Variants in ATIC observed in about 807,000 individuals in gnomAD.
The protein encoded by ATIC is bifunctional purine biosynthesis protein ATIC.
In ATIC, 64 loss-of-function variants were observed where a neutral mutation model predicts 72.5. That is an observed-to-expected ratio of 0.88 (90% confidence interval 0.72 to 1.09). The LOEUF is 1.09. Ranked by LOEUF, ATIC falls within the 50% of genes least tolerant of loss-of-function variation. The pLI, the probability that ATIC is intolerant of heterozygous loss-of-function variation, is 0.00. For missense variants in ATIC, 787 were observed against 732.4 expected (o/e 1.07, Z -0.86); for synonymous variants, 281 against 267.1 (o/e 1.05, Z -0.51).
downstream of ATIC, among the ~76,000 whole-genome samples, chr2:215,349,931 C>T (rs1229590421): frequency 3.3e-5 from 5 of 152,102 alleles, no homozygotes; most frequent in South Asian, 2.1e-4. Flanking sequence ...AGGAACCAAA[C>T]GAGCTGAGCA....
Position 215,319,737 on chromosome 2 carries a change from A to G in ATIC, c.290+6A>G. 1 of 1,600,154 alleles carries G rather than the reference A, an allele frequency of 6.2e-7. No homozygotes were observed. Among genetic ancestry groups the G allele is most frequent in the Non-Finnish European group, 8.6e-7 (1 of 1,167,382 alleles). ...CTTGATTTCAATCTTATAAGGTAAA[A>G]ACCTGAAATTAAACTTTTAACACAT... is the stretch of plus-strand genomic sequence containing the variant. On this transcript the variant is annotated splice_donor_region_variant and intron_variant, in intron 4 of 15. Coordinates refer to ENST00000236959, the MANE Select transcript of ATIC (RefSeq NM_004044.7).
At chr2:215,346,612 T>G in intron 13 of ATIC, 147 bp from the exon 14 acceptor site, 2 of 935,108 alleles carry the variant, frequency 2.1e-6, no homozygotes, top group Non-Finnish European at 3.4e-6. Flanking sequence ...TTTAATGACT[T>G]AAAAATTATT....
At chr2:215,336,182 C>T in intron 11 of ATIC, 58 bp downstream of exon 11, 2 of 1,295,892 alleles carry the variant, frequency 1.5e-6, no homozygotes, top group African/African-American at 1.5e-5. Flanking sequence ...GTCTCTTTCT[C>T]CCTTGTTTAC....
At position 215,349,759 on chromosome 2, in the gene ATIC, A is replaced by C; in HGVS notation, c.*104A>C. The stretch of plus-strand genomic sequence containing the variant: ...AAAAATAAAACAGTATCTCTTAATC[A>C]CTGGATCCATAGTTTTTGGTAGTTG... On this transcript the variant is annotated 3_prime_UTR_variant, in exon 16 of 16. Coordinates refer to ENST00000236959, the MANE Select transcript of ATIC (RefSeq NM_004044.7). The C allele has an allele frequency of 5.7e-6, 9 of 1,588,998 alleles. No homozygotes were observed. Among genetic ancestry groups the C allele is most frequent in the Non-Finnish European group, 7.8e-6 (9 of 1,158,912 alleles).
intron 4 of ATIC, among the ~76,000 whole-genome samples, chr2:215,322,754 T>C (rs983356388): frequency 1.3e-5 from 2 of 152,210 alleles, no homozygotes; most frequent in African/African-American, 4.8e-5. Context: ...TGTATGTGGC[T>C]GTCTAGTTGT....
chr2:215,350,192 C>A (rs10932611), downstream of ATIC, among the ~76,000 whole-genome samples: 152,275 of 152,316 alleles, frequency 1, 76,117 homozygotes, highest in Non-Finnish European at 1. Flanking sequence ...GGCTAGAGTC[C>A]GTGGCACCGT....
intron 9 of ATIC, among the ~76,000 whole-genome samples, chr2:215,334,382 GACATGGTTTCACCATGT>G (rs1187999349): frequency 6.6e-6 from 1 of 151,792 alleles, no homozygotes; most frequent in African/African-American, 2.4e-5. Flanking sequence ...TTTTAGTAGA[GACATGGTTTCACCATGT>G]TGGCCAGGCT....
intron 4 of ATIC, among the ~76,000 whole-genome samples, chr2:215,321,200 AGTG>A (rs2052763109): frequency 6.6e-6 from 1 of 152,216 alleles, no homozygotes. Flanking sequence ...ATTTGCCTGT[AGTG>A]GACATTTTCA....
chr2:215,353,287 AT>A (rs2053144465), downstream of ATIC, among the ~76,000 whole-genome samples: 1 of 151,872 alleles, frequency 6.6e-6, no homozygotes, highest in African/African-American at 2.4e-5. Flanking sequence ...GTACGGTTGT[AT>A]TTCCCCCCTA....
rs750485941 is a variant in ATIC, at chr2:215,349,604, C to T, written c.1728C>T (p.Asp576=). 5.0e-6 allele frequency: 8 copies of T among 1,614,198 alleles called. No individual in the cohort carries two copies. The highest frequency in any genetic ancestry group is 1.7e-5 in the Admixed American group (1 of 60,028). The change falls in exon 16 of 16, where the codon GAC becomes GAT. Residue 576 remains aspartate (D), a synonymous_variant. Transcript: ENST00000236959. ...AADKVVIEAC[D]ELGIILAHTN... is the part of the protein sequence containing the mutation. The stretch of plus-strand genomic sequence containing the variant: ...ACAAAGTTGTGATTGAGGCCTGCGA[C>T]GAACTGGGAATCATCCTCGCTCATA...
In ATIC at chr2:215,326,840, C is replaced by T. The variant is rs767367112; in HGVS notation, c.550C>T (p.Gln184Ter). 1.9e-6 allele frequency: 3 copies of T among 1,613,850 alleles called. No individual in the cohort carries two copies. The East Asian group carries it at 6.7e-5, about 36-fold the overall frequency. Residue 184 changes from glutamine (Q) to a stop codon, truncating the protein, a stop_gained, in exon 7 of 16, where the codon CAA becomes TAA. Transcript: ENST00000236959. LOFTEE classifies it high-confidence loss of function. ...LALKAFTHTA[Q>*]YDEAISDYFR... is the part of the protein sequence containing the mutation. ...TTTGTAGGCATTCACTCATACGGCA[C>T]AATATGATGAAGCAATTTCAGATTA...
intron 2 of ATIC, among the ~76,000 whole-genome samples, chr2:215,317,865 G>T (rs569592508): frequency 6.6e-6 from 1 of 152,212 alleles, no homozygotes; most frequent in Non-Finnish European, 1.5e-5. Flanking sequence ...AATGAGTATG[G>T]CTTATGATTC....
chr2:215,333,255 C>T (rs916022898), intron 8 of ATIC, 95 bp from the exon 9 acceptor site: 34 of 999,430 alleles, frequency 3.4e-5, no homozygotes, highest in African/African-American at 1.1e-4. Flanking sequence ...AAATGTGCTG[C>T]GTAGACTGGG....
At chr2:215,322,191 C>A (rs1249781104) in intron 4 of ATIC, among the ~76,000 whole-genome samples, 1 of 152,066 alleles carries the variant, frequency 6.6e-6, no homozygotes. Context: ...GCTTGAGCCA[C>A]CATGCCCGGC....
At chr2:215,312,323 G>A in intron 1 of ATIC, 162 bp downstream of exon 1, 1 of 1,466,800 alleles carries the variant, frequency 6.8e-7, no homozygotes, top group Non-Finnish European at 9.2e-7. Flanking sequence ...CGTGGGGCCC[G>A]CCTTAGAGCA....
intron 12 of ATIC, among the ~76,000 whole-genome samples, chr2:215,340,579 C>A (rs899296974): frequency 1.3e-5 from 2 of 152,144 alleles, no homozygotes; most frequent in African/African-American, 4.8e-5. Flanking sequence ...TTTTTCTCTC[C>A]AGAGTTGACT....
intron 14 of ATIC, chr2:215,348,611 G>C: frequency 2.5e-6 from 1 of 402,836 alleles, no homozygotes; most frequent in African/African-American, 2.2e-5. Flanking sequence ...ATTTCTAAAA[G>C]CATCAAAGAG....
intron 4 of ATIC, among the ~76,000 whole-genome samples, chr2:215,322,486 C>A: frequency 6.6e-6 from 1 of 151,762 alleles, no homozygotes. Flanking sequence ...CCCGCCACCA[C>A]GCCCAGCTAA....
At chr2:215,346,988 A>G in intron 14 of ATIC, 47 bp downstream of exon 14, 1 of 1,596,818 alleles carries the variant, frequency 6.3e-7, no homozygotes, top group Non-Finnish European at 8.6e-7. Flanking sequence ...TATTCAGTTC[A>G]ACCCTTTATG....
Sources: allele counts gnomAD v4.1 joint callset (sites outside exome capture counted in the v4.1 genomes callset), GRCh38; gene constraint gnomAD v4.1.1; transcripts MANE v1.5; gene names NCBI Gene and HGNC (gene_info 2026-07-23, HGNC 2026-07-21).